NAALADL2: variants seen among roughly 807,000 people sequenced by gnomAD.
NAALADL2 encodes the protein N-acetylated alpha-linked acidic dipeptidase like 2.
In NAALADL2, 76 loss-of-function variants were observed where a neutral mutation model predicts 87.2. The observed-to-expected ratio is 0.87, with a 90% CI of 0.72 to 1.05. The LOEUF (loss-of-function observed/expected upper bound fraction) is 1.05, where lower values mean the gene tolerates loss of function less well. NAALADL2 is among the 50% of genes least tolerant of loss of function. NAALADL2 has a pLI of 0.00. For synonymous variants in NAALADL2, 354 were observed against 331.0 expected, an observed-to-expected ratio of 1.07 and a Z score of -0.75; for missense variants, 1,089 against 945.8, an observed-to-expected ratio of 1.15 and a Z score of -1.99.
chr3:175,247,465 A>C (rs1445751004), intron 3 of NAALADL2, among the ~76,000 whole-genome samples: 1 of 152,096 alleles, frequency 6.6e-6, no homozygotes, highest in East Asian at 1.9e-4. Flanking sequence ...TTGAAAGAAG[A>C]CCTGAAAATG....
chr3:174,791,732 A>G (rs1431172797), intron 3 of NAALADL2, among the ~76,000 whole-genome samples: 1 of 152,162 alleles, frequency 6.6e-6, no homozygotes, highest in African/African-American at 2.4e-5. Context: ...AAAATTGTGA[A>G]TATTTTATAT....
intron 4 of NAALADL2, among the ~76,000 whole-genome samples, chr3:175,314,666 C>CTATATATATA (rs60572633): frequency 3.3e-5 from 1 of 30,756 alleles, no homozygotes; most frequent in Non-Finnish European, 6.2e-5. Context: ...ATAGTTCTAA[C>CTATATATATA]TATATATATA....
chr3:174,753,285 T>G (rs1218728566), intron 3 of NAALADL2, among the ~76,000 whole-genome samples: 1 of 152,164 alleles, frequency 6.6e-6, no homozygotes, highest in Non-Finnish European at 1.5e-5. Context: ...CCCATTGGCC[T>G]GGCTGGTCTC....
chr3:174,897,038 T>C (rs1731628479), intron 1 of NAALADL2, among the ~76,000 whole-genome samples: 2 of 152,152 alleles, frequency 1.3e-5, no homozygotes, highest in Admixed American at 1.3e-4. Flanking sequence ...AAGACTTAAA[T>C]CTAAGACTTT....
chr3:175,616,777 G>A (rs963006517), intron 10 of NAALADL2, among the ~76,000 whole-genome samples: 36 of 152,264 alleles, frequency 2.4e-4, no homozygotes, highest in Non-Finnish European at 3.7e-4. Context: ...GGTAATACAA[G>A]GGCTGTTGCA....
intron 2 of NAALADL2, among the ~76,000 whole-genome samples, chr3:174,699,364 G>A (rs1729337454): frequency 6.7e-6 from 1 of 150,214 alleles, no homozygotes; most frequent in African/African-American, 2.5e-5. Context: ...GTGGTGGCAC[G>A]TGCCTGTAGT....
intron 8 of NAALADL2, among the ~76,000 whole-genome samples, chr3:175,468,260 C>T (rs1357144734): frequency 6.6e-6 from 1 of 151,994 alleles, no homozygotes; most frequent in Non-Finnish European, 1.5e-5. Context: ...AATTGGAATG[C>T]TTTTCTGTAT....
At chr3:175,195,855 T>C (rs1738911166) in intron 2 of NAALADL2, among the ~76,000 whole-genome samples, 1 of 151,952 alleles carries the variant, frequency 6.6e-6, no homozygotes, top group Non-Finnish European at 1.5e-5. Context: ...ATGATGTCTC[T>C]ATCAGAGTTC....
intron 1 of NAALADL2, among the ~76,000 whole-genome samples, chr3:175,096,493 G>GGA (rs1721172369): frequency 8.5e-6 from 1 of 117,948 alleles, no homozygotes; most frequent in East Asian, 2.4e-4. Context: ...AGATTAATGG[G>GGA]GCGTGTGTGT....
chr3:175,568,102 T>C (rs1717501839), intron 9 of NAALADL2, among the ~76,000 whole-genome samples: 1 of 151,110 alleles, frequency 6.6e-6, no homozygotes, highest in South Asian at 2.1e-4. Context: ...GCAAGTTATA[T>C]ATTAATTTTT....
chr3:175,660,883 A>G (rs1024771047), intron 11 of NAALADL2, among the ~76,000 whole-genome samples: 1 of 152,074 alleles, frequency 6.6e-6, no homozygotes, highest in Non-Finnish European at 1.5e-5. Context: ...TATATATGCC[A>G]CATTTTCTTT....
At chr3:174,809,029 T>G (rs1462437943) in intron 3 of NAALADL2, among the ~76,000 whole-genome samples, 1 of 152,218 alleles carries the variant, frequency 6.6e-6, no homozygotes, top group Non-Finnish European at 1.5e-5. Flanking sequence ...TGTTCAATTA[T>G]GGAACCTATT....
chr3:175,544,337 A>G (rs1024293524), intron 9 of NAALADL2, among the ~76,000 whole-genome samples: 2 of 152,180 alleles, frequency 1.3e-5, no homozygotes, highest in Non-Finnish European at 2.9e-5. Context: ...ATGTTAATTT[A>G]TTGGCTTACA....
intron 10 of NAALADL2, among the ~76,000 whole-genome samples, chr3:175,607,913 G>GCGCACACACACACA (rs151212308): frequency 6.7e-6 from 1 of 149,094 alleles, no homozygotes; most frequent in Non-Finnish European, 1.5e-5. Context: ...ACACACACAC[G>GCGCACACACACACA]CACACACACG....
intron 1 of NAALADL2, among the ~76,000 whole-genome samples, chr3:175,024,717 TA>T (rs139293135): frequency 0.15 from 22,497 of 151,384 alleles, 2,098 homozygotes; most frequent in Middle Eastern, 0.26. Flanking sequence ...GTAATTATCT[TA>T]TTTTTTTTCA....
At chr3:175,352,826 G>C (rs1175416197) in intron 5 of NAALADL2, among the ~76,000 whole-genome samples, 1 of 152,124 alleles carries the variant, frequency 6.6e-6, no homozygotes, top group Non-Finnish European at 1.5e-5. Context: ...GTATGGGTGT[G>C]GGTGTGGGTG....
At chr3:174,538,816 T>A (rs571903922) in intron 1 of NAALADL2, among the ~76,000 whole-genome samples, 17 of 152,250 alleles carry the variant, frequency 1.1e-4, no homozygotes, top group African/African-American at 3.6e-4. Context: ...TTTGAATCCA[T>A]CTTTGACATG....
chr3:175,787,256 G>T (rs529679188), intron 13 of NAALADL2, among the ~76,000 whole-genome samples: 2 of 152,028 alleles, frequency 1.3e-5, no homozygotes, highest in Non-Finnish European at 1.5e-5. Flanking sequence ...CGAGCTTCCC[G>T]GCTGCTTTGT....
chr3:175,127,488 T>C (rs1485895926), intron 2 of NAALADL2, among the ~76,000 whole-genome samples: 1 of 152,192 alleles, frequency 6.6e-6, no homozygotes, highest in Non-Finnish European at 1.5e-5. Flanking sequence ...CCTGCAGAAA[T>C]GCCAAGGGCA....
Sources: gnomAD v4.1 joint callset for allele counts (sites outside exome capture counted in the v4.1 genomes callset) on GRCh38, gnomAD v4.1.1 for gene constraint, MANE v1.5 for transcripts, NCBI Gene and HGNC (gene_info 2026-07-23, HGNC 2026-07-21) for gene names.